Variants in SENP7 observed in about 807,000 individuals in gnomAD.
The protein encoded by SENP7 is SUMO specific peptidase 7.
Under a neutral mutation model 141.2 loss-of-function variants are expected in SENP7, and 64 were observed. The observed-to-expected ratio is 0.45, with a 90% confidence interval of 0.37 to 0.56. The LOEUF (loss-of-function observed/expected upper bound fraction) is 0.56, where lower values mean the gene tolerates loss of function less well. Ranked by LOEUF, SENP7 falls within the 20% of genes least tolerant of loss-of-function variation. The probability of loss-of-function intolerance (pLI) is 0.00; values close to 1 mark genes in which losing one functional copy is unlikely to be tolerated. For synonymous variants in SENP7, 382 were observed against 426.4 expected (o/e 0.90, Z 1.28); for missense variants, 1,025 against 1,212.2 (o/e 0.85, Z 2.29).
intron 5 of SENP7, among the ~76,000 whole-genome samples, chr3:101,403,772 C>A (rs1396516759): frequency 1.3e-5 from 2 of 152,100 alleles, no homozygotes; most frequent in Non-Finnish European, 2.9e-5. Context: ...TTCCTATATA[C>A]CAACAACAGC....
chr3:101,370,032 G>T (rs1249838407), intron 7 of SENP7, among the ~76,000 whole-genome samples: 4 of 152,128 alleles, frequency 2.6e-5, no homozygotes, highest in African/African-American at 9.7e-5. Flanking sequence ...TAATTTACAG[G>T]TTTTTAAAAA....
chr3:101,355,132 T>C (rs1463323890), intron 11 of SENP7, among the ~76,000 whole-genome samples: 2 of 152,210 alleles, frequency 1.3e-5, no homozygotes, highest in African/African-American at 4.8e-5. Context: ...GTCAGATGCC[T>C]ACTTTGCAAA....
At chr3:101,507,015 C>T (rs1167125154) in intron 1 of SENP7, among the ~76,000 whole-genome samples, 1 of 148,402 alleles carries the variant, frequency 6.7e-6, no homozygotes, top group Non-Finnish European at 1.5e-5. Flanking sequence ...GAGCTATGAT[C>T]GTGCCACTGC....
chr3:101,425,373 G>A lies in SENP7; in HGVS notation c.285-7583C>T, dbSNP rs574301289. ...CTGATACAAGTCCCACAGAGTTAGA[G>A]CACACAGTCCAGGAGAAGTTGGGAG... On this transcript the variant is annotated intron_variant, in intron 4 of 23. Coordinates refer to ENST00000394095, the MANE Select transcript of SENP7 (RefSeq NM_020654.5). Among the ~76,000 whole-genome samples, 19 of 152,306 alleles carry A rather than the reference G, an allele frequency of 1.2e-4. No homozygotes were observed. In the South Asian group the frequency reaches 2.7e-3, roughly 22 times the overall value.
intron 6 of SENP7, among the ~76,000 whole-genome samples, chr3:101,387,711 C>T (rs1183258648): frequency 3.9e-5 from 6 of 152,186 alleles, no homozygotes; most frequent in East Asian, 1.9e-4. Flanking sequence ...TGCCAGCCAC[C>T]GCTTAAGTCA....
chr3:101,413,740 G>A (rs2107639584), intron 5 of SENP7, among the ~76,000 whole-genome samples: 1 of 151,468 alleles, frequency 6.6e-6, no homozygotes, highest in Admixed American at 6.6e-5. Context: ...AAAGGGAGGG[G>A]GGGGATAGTT....
chr3:101,442,846 C>CAA (rs149727694), intron 4 of SENP7, among the ~76,000 whole-genome samples: 24 of 144,382 alleles, frequency 1.7e-4, no homozygotes, highest in East Asian at 4.0e-4. Context: ...ACCAGTCAGA[C>CAA]AAAAAAAAAA....
intron 11 of SENP7, among the ~76,000 whole-genome samples, chr3:101,355,041 A>G (rs945284859): frequency 2.0e-5 from 3 of 152,130 alleles, no homozygotes; most frequent in African/African-American, 7.2e-5. Context: ...GTGTCTGCTC[A>G]TGTCCCTTGT....
At chr3:101,382,572 C>A (rs2060533267) in intron 6 of SENP7, among the ~76,000 whole-genome samples, 1 of 152,066 alleles carries the variant, frequency 6.6e-6, no homozygotes, top group Non-Finnish European at 1.5e-5. Flanking sequence ...CTAAAAATCC[C>A]AATGGGAAGT....
In SENP7 at chr3:101,327,530, A is replaced by G. The variant is rs571487976; in HGVS notation, c.3015+136T>C. On this transcript the variant is annotated intron_variant, in intron 23 of 23. Transcript: ENST00000394095. ...AGCCATGCTGAACTGTGAGTCAATT[A>G]AACCTCTTTCCTTTATAAATTACCC... 1.5e-4 allele frequency: 88 copies of G among 578,356 alleles called. 1 individual carries two copies. The African/African-American group carries it at 1.7e-3, about 11-fold the overall frequency. 35.8% of individuals were successfully genotyped at this position (578,356 alleles called of 1,614,324 possible).
At chr3:101,493,020 G>C in intron 3 of SENP7, among the ~76,000 whole-genome samples, 1 of 152,062 alleles carries the variant, frequency 6.6e-6, no homozygotes, top group East Asian at 1.9e-4. Flanking sequence ...TGGTAGTTTA[G>C]ATAAAGAAAA....
At chr3:101,370,097 C>T (rs2060136163) in intron 7 of SENP7, among the ~76,000 whole-genome samples, 1 of 152,022 alleles carries the variant, frequency 6.6e-6, no homozygotes, top group Non-Finnish European at 1.5e-5. Context: ...GATTCAATAG[C>T]TAATTGTATT....
intron 2 of SENP7, among the ~76,000 whole-genome samples, chr3:101,497,864 G>A (rs1227803341): frequency 1.3e-5 from 2 of 152,212 alleles, no homozygotes; most frequent in East Asian, 1.9e-4. Context: ...ATGCAGTGGT[G>A]CGATCACAGC....
At chr3:101,401,359 T>C (rs1273445821) in intron 5 of SENP7, among the ~76,000 whole-genome samples, 1 of 151,340 alleles carries the variant, frequency 6.6e-6, no homozygotes, top group Non-Finnish European at 1.5e-5. Flanking sequence ...TGAAACCCCG[T>C]CTCTACTAAA....
intron 6 of SENP7, among the ~76,000 whole-genome samples, chr3:101,394,050 T>G (rs1236202115): frequency 3.5e-5 from 1 of 28,410 alleles, no homozygotes. Flanking sequence ...TATTAAAACA[T>G]ATTATTTCTA....
In SENP7 at chr3:101,402,506, C is replaced by A. The variant is rs1308653167; in HGVS notation, c.483-3451G>T. On this transcript the variant is annotated intron_variant, in intron 5 of 23. Coordinates refer to ENST00000394095, the MANE Select transcript of SENP7 (RefSeq NM_020654.5). Reference sequence around the variant, plus strand: ...GCATGGTGGTGCACACCTGTAGTCCCAGCTACTTCAGAGGCTGAGGCAGGA... The same window carrying A: ...GCATGGTGGTGCACACCTGTAGTCCAAGCTACTTCAGAGGCTGAGGCAGGA... Among the ~76,000 whole-genome samples the A allele has an allele frequency of 2.0e-5, 3 of 147,716 alleles. No homozygotes were observed. In the Admixed American group the frequency reaches 2.2e-4, roughly 11 times the overall value.
At chr3:101,365,493 G>A (rs910465671) in intron 9 of SENP7, among the ~76,000 whole-genome samples, 14 of 151,074 alleles carry the variant, frequency 9.3e-5, no homozygotes, top group African/African-American at 2.4e-4. Flanking sequence ...AAAATTAGCC[G>A]GGCATGGTGG....
At chr3:101,433,421 T>C (rs538476633) in intron 4 of SENP7, among the ~76,000 whole-genome samples, 1 of 151,182 alleles carries the variant, frequency 6.6e-6, no homozygotes, top group Non-Finnish European at 1.5e-5. Flanking sequence ...AAGTTCTTAC[T>C]TATCAATAAT....
chr3:101,329,211 T>C (rs559667199), intron 20 of SENP7, among the ~76,000 whole-genome samples: 1 of 152,340 alleles, frequency 6.6e-6, no homozygotes, highest in African/African-American at 2.4e-5. Flanking sequence ...TTTATTATTC[T>C]AACATAAACA....
Sources: gnomAD v4.1 joint callset for allele counts (sites outside exome capture counted in the v4.1 genomes callset) on GRCh38, gnomAD v4.1.1 for gene constraint, MANE v1.5 for transcripts, NCBI Gene and HGNC (gene_info 2026-07-23, HGNC 2026-07-21) for gene names.